The following ZNF423 variants were observed in gnomAD, a reference collection of about 807,000 sequenced individuals.
ZNF423 encodes the protein Ebf-associated zinc finger protein.
In ZNF423, 12 loss-of-function variants were observed where a neutral mutation model predicts 95.8. That is an observed-to-expected ratio of 0.13 (90% CI 0.08 to 0.20). ZNF423 has a LOEUF of 0.20. Ranked by LOEUF, ZNF423 falls within the 10% of genes least tolerant of loss-of-function variation. The pLI is 1.00. For synonymous variants in ZNF423, 749 were observed against 711.9 expected, an observed-to-expected ratio of 1.05 and a Z score of -0.83; for missense variants, 1,316 against 1,737.1, an observed-to-expected ratio of 0.76 and a Z score of 4.31.
chr16:49,603,680 G>C lies in ZNF423; in HGVS notation c.3601+22490C>G, dbSNP rs1247682882. ...CCACCTCGGCCTCCCAAAGTCCTGG[G>C]ATTATGGGTGTAAGCCACCATGCCC... On this transcript the variant is annotated intron_variant, in intron 5 of 7. Coordinates refer to ENST00000563137, the MANE Select transcript of ZNF423 (RefSeq NM_001379286.1). The surrounding 1 kb of genome is among the most constrained non-coding windows in gnomAD (Gnocchi z 4.1). Among the ~76,000 whole-genome samples, 2 of 152,190 alleles carry C rather than the reference G, an allele frequency of 1.3e-5. No homozygotes were observed. The highest frequency in any genetic ancestry group is 1.3e-4 in the Admixed American group (2 of 15,286).
chr16:49,609,641 A>G (rs139620870), intron 5 of ZNF423, among the ~76,000 whole-genome samples: 70 of 152,292 alleles, frequency 4.6e-4, no homozygotes, highest in African/African-American at 1.6e-3. Context: ...AGAAAAAAAG[A>G]ATCAGTGAAA....
chr16:49,526,596 C>T (rs1034282173), intron 5 of ZNF423, among the ~76,000 whole-genome samples: 1 of 152,178 alleles, frequency 6.6e-6, no homozygotes, highest in African/African-American at 2.4e-5. Flanking sequence ...TCCCTGCTTC[C>T]CGGGCTGCAG....
At chr16:49,758,867 GGGTGTGATCACCATAAAA>G (rs1397503471) in intron 2 of ZNF423, among the ~76,000 whole-genome samples, 1 of 152,204 alleles carries the variant, frequency 6.6e-6, no homozygotes, top group African/African-American at 2.4e-5. Flanking sequence ...AACAAAGCAA[GGGTGTGATCACCATAAAA>G]GTCAAGCTAG....
intron 2 of ZNF423, among the ~76,000 whole-genome samples, chr16:49,756,762 C>A (rs2033734943): frequency 6.6e-6 from 1 of 152,176 alleles, no homozygotes; most frequent in Admixed American, 6.5e-5. Flanking sequence ...CATGGGTGGG[C>A]TGAGAACAGG....
At chr16:49,613,919 C>T (rs1971799481) in intron 5 of ZNF423, among the ~76,000 whole-genome samples, 1 of 151,464 alleles carries the variant, frequency 6.6e-6, no homozygotes, top group Non-Finnish European at 1.5e-5. Context: ...ATCTTTGCAC[C>T]AAAGGTATAA....
At chr16:49,644,691 A>C (rs1200114439) in intron 3 of ZNF423, among the ~76,000 whole-genome samples, 2 of 141,860 alleles carry the variant, frequency 1.4e-5, no homozygotes, top group East Asian at 2.1e-4. Flanking sequence ...AAAAAAAAAA[A>C]AAAAAACCGT....
intron 3 of ZNF423, among the ~76,000 whole-genome samples, chr16:49,677,471 A>AAAAGGAAAGG (rs199954630): frequency 1.3e-5 from 2 of 151,594 alleles, no homozygotes; most frequent in Non-Finnish European, 2.9e-5. Context: ...AAGAGAAAAG[A>AAAAGGAAAGG]AAAGGAAAGG....
intron 7 of ZNF423, among the ~76,000 whole-genome samples, chr16:49,513,654 G>C (rs1311060419): frequency 1.5e-5 from 2 of 129,086 alleles, no homozygotes; most frequent in Non-Finnish European, 1.7e-5. Context: ...TGGATGGATG[G>C]ATGGATGGAT....
rs536820768 is a variant in ZNF423, at chr16:49,805,546, C to G, written c.41-16000G>C. ...CCTCTCTCGGCCCCTTCAAAACAAACAGTAATTAACTGGCCAAACTTCCCA... is the reference window on the plus strand; with the variant it reads ...CCTCTCTCGGCCCCTTCAAAACAAAGAGTAATTAACTGGCCAAACTTCCCA... On this transcript the variant is annotated intron_variant, in intron 1 of 7. Transcript: ENST00000563137. 5.9e-5 allele frequency among the ~76,000 whole-genome samples: 9 copies of G among 152,356 alleles called. No homozygotes were observed. In the South Asian group the frequency reaches 1.2e-3, roughly 21 times the overall value.
chr16:49,678,464 G>T (rs992682006), intron 3 of ZNF423, among the ~76,000 whole-genome samples: 1 of 152,166 alleles, frequency 6.6e-6, no homozygotes, highest in Non-Finnish European at 1.5e-5. Flanking sequence ...CCCTGTCCTC[G>T]TGGAGTTGAC....
intron 5 of ZNF423, among the ~76,000 whole-genome samples, chr16:49,548,210 T>C (rs532044029): frequency 3.2e-4 from 48 of 152,314 alleles, no homozygotes; most frequent in African/African-American, 1.1e-3. Context: ...TTCAGAATTT[T>C]TTTTAGCACC....
chr16:49,587,233 C>G (rs913370116), intron 5 of ZNF423, among the ~76,000 whole-genome samples: 3 of 152,112 alleles, frequency 2.0e-5, no homozygotes, highest in African/African-American at 7.2e-5. Context: ...GCTCCTGAGC[C>G]CCTGACAATG....
intron 2 of ZNF423, among the ~76,000 whole-genome samples, chr16:49,758,634 A>AG (rs1377649244): frequency 8.5e-5 from 13 of 152,214 alleles, no homozygotes; most frequent in African/African-American, 2.9e-4. Flanking sequence ...CCCAGCTACT[A>AG]GGGAGGCTGA....
intron 5 of ZNF423, among the ~76,000 whole-genome samples, chr16:49,556,863 G>A (rs1240380053): frequency 7.9e-5 from 12 of 152,114 alleles, no homozygotes; most frequent in African/African-American, 2.2e-4. Flanking sequence ...CACACTTTAC[G>A]GTGAACAGAT....
At chr16:49,588,331 C>T (rs1970906096) in intron 5 of ZNF423, among the ~76,000 whole-genome samples, 4 of 152,172 alleles carry the variant, frequency 2.6e-5, no homozygotes, top group South Asian at 2.1e-4. Context: ...ACACTGGGGG[C>T]GTCTGTCCAG....
chr16:49,679,275 G>A (rs544236908), intron 3 of ZNF423, among the ~76,000 whole-genome samples: 8 of 152,346 alleles, frequency 5.3e-5, no homozygotes, highest in Admixed American at 4.6e-4. Context: ...TGCGCCCTCC[G>A]TGGAGCTGGC....
intron 3 of ZNF423, among the ~76,000 whole-genome samples, chr16:49,666,772 C>T (rs540294356): frequency 3.9e-5 from 6 of 152,318 alleles, no homozygotes; most frequent in East Asian, 1.9e-4. Flanking sequence ...GTAGTAAGGA[C>T]TCTTATTTCC....
chr16:49,739,940 C>G (rs1008507370), intron 2 of ZNF423, among the ~76,000 whole-genome samples: 2 of 151,982 alleles, frequency 1.3e-5, no homozygotes, highest in Non-Finnish European at 2.9e-5. Context: ...CTCACTGCAA[C>G]CTCTGCCTCC....
intron 4 of ZNF423, among the ~76,000 whole-genome samples, chr16:49,632,596 T>C (rs894690691): frequency 6.6e-6 from 1 of 151,888 alleles, no homozygotes; most frequent in Non-Finnish European, 1.5e-5. Context: ...GGAAACACGG[T>C]CCCCTTGAGT....
Sources: gnomAD v4.1 joint callset for allele counts (sites outside exome capture counted in the v4.1 genomes callset) on GRCh38, gnomAD v4.1.1 for gene constraint, Gnocchi (gnomAD v3.1) non-coding constraint, MANE v1.5 for transcripts, NCBI Gene and HGNC (gene_info 2026-07-23, HGNC 2026-07-21) for gene names.